The following ABHD15 variants were observed in gnomAD, a reference collection of about 807,000 sequenced individuals.
ABHD15 encodes the protein protein ABHD15.
Under a neutral mutation model 34.4 loss-of-function variants are expected in ABHD15, and 34 were observed. The observed-to-expected ratio is 0.99, with a 90% CI of 0.75 to 1.32. The LOEUF (loss-of-function observed/expected upper bound fraction) is 1.32, where lower values mean the gene tolerates loss of function less well. Among genes scored for constraint, ABHD15 ranks in the 40% most tolerant of loss-of-function variants. The pLI is 0.00. For synonymous variants in ABHD15, 314 were observed against 299.2 expected (o/e 1.05, Z -0.51); for missense variants, 644 against 650.4 (o/e 0.99, Z 0.11).
At position 29,562,819 on chromosome 17, in the gene ABHD15, G is replaced by A. The variant is rs1309527054; in HGVS notation, c.1149C>T (p.Leu383=). The A allele has an allele frequency of 6.2e-7, 1 of 1,613,706 alleles. No individual in the cohort carries two copies. The change falls in exon 2 of 2, where the codon CTC becomes CTT. Residue 383 remains leucine, a synonymous_variant. Coordinates refer to ENST00000307201, the MANE Select transcript of ABHD15 (RefSeq NM_198147.3). Reference sequence around the variant, plus strand: ...AGTGGCCTCCGTGGCGACTGAGCAGGAGGAAGAAGTAGGGGTTGCTGTGGA... The same window carrying A: ...AGTGGCCTCCGTGGCGACTGAGCAGAAGGAAGAAGTAGGGGTTGCTGTGGA... ...ELFHSNPYFF[L]LLSRHGGHCG... is the part of the protein sequence containing the mutation.
Position 29,562,653 on chromosome 17 carries a change from G to A in ABHD15, c.1315C>T (p.Arg439Cys), listed in dbSNP as rs201924599. The change falls in exon 2 of 2, where the codon CGT (arginine) becomes TGT (cysteine). Residue 439 changes from arginine (R) to cysteine (C), a missense_variant. Coordinates refer to ENST00000307201, the MANE Select transcript of ABHD15 (RefSeq NM_198147.3). ...CTCTGCAAGGCTCCCCCACGACGAC[G>A]GCCCCCAAGGAAGGAAGCTCTGTGC... ...SRHRASFLGGRRRGGALQRRE... is the reference protein window; with the variant it reads ...SRHRASFLGGCRRGGALQRRE... 8.5e-5 allele frequency: 138 copies of A among 1,614,086 alleles called. 1 individual carries two copies. Among genetic ancestry groups the A allele is most frequent in the South Asian group, 7.5e-4 (68 of 91,068 alleles).
In ABHD15 at chr17:29,566,659, C is replaced by T; in HGVS notation, c.308G>A (p.Gly103Glu). 1.2e-6 allele frequency: 2 copies of T among 1,603,084 alleles called. No homozygotes were observed. Among genetic ancestry groups the T allele is most frequent in the South Asian group, 2.2e-5 (2 of 90,656 alleles). Residue 103 changes from glycine (G) to glutamate (E), a missense_variant, in exon 1 of 2, where the codon GGG becomes GAG. Gly to Glu is a moderately conservative substitution (Grantham distance 98). Coordinates refer to ENST00000307201, the MANE Select transcript of ABHD15 (RefSeq NM_198147.3). ...GTGGCAGAGGGTCTGCAGGTGGGGC[C>T]CGGAGAACCAGGAGCGCGGGCCGGC... ...LEAGPRSWFS[G>E]PHLQTLCHFV...
Position 29,562,362 on chromosome 17 carries a change from G to A in ABHD15, c.*199C>T. 1 of 565,994 alleles carries A rather than the reference G, an allele frequency of 1.8e-6. No homozygotes were observed. 35.1% of individuals were successfully genotyped at this position (565,994 alleles called of 1,614,324 possible). Reference sequence around the variant, plus strand: ...GGATATGTTGAGCAGAGGCCAGGCAGGAGTTCTGCTGAGGATGAAGTGAGT... The same window carrying A: ...GGATATGTTGAGCAGAGGCCAGGCAAGAGTTCTGCTGAGGATGAAGTGAGT... On this transcript the variant is annotated 3_prime_UTR_variant, in exon 2 of 2. Coordinates refer to ENST00000307201, the MANE Select transcript of ABHD15 (RefSeq NM_198147.3).
chr17:29,565,997 G>A (rs2292973), intron 1 of ABHD15, 89 bp downstream of exon 1: 611,474 of 1,478,990 alleles, frequency 0.41, 131,725 homozygotes, highest in East Asian at 0.65. Context: ...GCCCACGCCT[G>A]TTCCAATGCT....
chr17:29,566,735 C>T lies in ABHD15; in HGVS notation c.232G>A (p.Ala78Thr), dbSNP rs2032723698. 2.6e-6 allele frequency: 4 copies of T among 1,562,016 alleles called. No homozygotes were observed. Among genetic ancestry groups the T allele is most frequent in the Non-Finnish European group, 3.4e-6 (4 of 1,160,936 alleles). ...GCGCGCAGCAGGCACTGGGCCAGGG[C>T]CGACGGCTTGCAAACAAGGCTGCAC... ...GGCSLVCKPSALAQCLLRALR... is the reference protein window; with the variant it reads ...GGCSLVCKPSTLAQCLLRALR... Residue 78 changes from alanine to threonine, a missense_variant, in exon 1 of 2, where the codon GCC (alanine) becomes ACC (threonine). By Grantham distance (58) the Ala-to-Thr change is moderately conservative (BLOSUM62 0). Transcript: ENST00000307201.
rs1370159227 is a variant in ABHD15 at position 29,566,589 on chromosome 17, G to T, written c.378C>A (p.Tyr126Ter). ...VAPGPELARE[Y>*]LQLADDGLVA... is the part of the protein sequence containing the mutation. ...CTAGCCCATCGTCCGCCAACTGCAG[G>T]TACTCCCGGGCCAGCTCAGGCCCAG... The change falls in exon 1 of 2, where the codon TAC (tyrosine) becomes TAA (stop). Residue 126 changes from tyrosine to a stop codon, truncating the protein, a stop_gained. Transcript: ENST00000307201. LOFTEE classifies it high-confidence loss of function. 6.2e-7 allele frequency: 1 copy of T among 1,607,866 alleles called. No individual in the cohort carries two copies. Among genetic ancestry groups the T allele is most frequent in the Admixed American group, 1.7e-5 (1 of 59,768 alleles).
intron 1 of ABHD15, 62 bp from the exon 2 acceptor site, chr17:29,563,148 G>A (rs1335606924): frequency 1.3e-6 from 2 of 1,532,070 alleles, no homozygotes; most frequent in Non-Finnish European, 1.8e-6. Context: ...AACATCAGGT[G>A]ACAGCAGATG....
At chr17:29,563,409 C>T (rs1174689100) in intron 1 of ABHD15, among the ~76,000 whole-genome samples, 1 of 149,444 alleles carries the variant, frequency 6.7e-6, no homozygotes, top group Non-Finnish European at 1.5e-5. Flanking sequence ...AAAAAATTAG[C>T]TTGGCATGGT....
chr17:29,563,747 C>A (rs913809145), intron 1 of ABHD15, among the ~76,000 whole-genome samples: 1 of 151,962 alleles, frequency 6.6e-6, no homozygotes, highest in African/African-American at 2.4e-5. Flanking sequence ...GTAGTCCCAG[C>A]TACTTGGGAG....
At chr17:29,564,334 G>C (rs2032671383) in intron 1 of ABHD15, among the ~76,000 whole-genome samples, 1 of 152,250 alleles carries the variant, frequency 6.6e-6, no homozygotes, top group Non-Finnish European at 1.5e-5. Context: ...ACCTGGGGCA[G>C]ATATTCCTAG....
At position 29,566,967 on chromosome 17, in the gene ABHD15, G is replaced by A. The variant is rs1157184008; in HGVS notation, c.-1C>T. The stretch of plus-strand genomic sequence containing the variant: ...CGAGGGCGGCGCCCCACGGCGGCAT[G>A]GCGAAGCTGGAGAGCCCCGGCGGGC... On this transcript the variant is annotated 5_prime_UTR_variant, in exon 1 of 2. Transcript: ENST00000307201. The A allele has an allele frequency of 7.3e-7, 1 of 1,368,024 alleles. No homozygotes were observed. Among genetic ancestry groups the A allele is most frequent in the Non-Finnish European group, 9.4e-7 (1 of 1,068,980 alleles). The allele number at this position is 1,368,024 out of a possible 1,614,324, so 84.7% of individuals were successfully genotyped here.
chr17:29,565,921 G>A (rs2032700239), intron 1 of ABHD15, 165 bp downstream of exon 1: 1 of 948,588 alleles, frequency 1.1e-6, no homozygotes, highest in East Asian at 2.9e-5. Context: ...CGCTTCCCCG[G>A]TTCTGTCTAG....
chr17:29,565,929 T>C, intron 1 of ABHD15, 157 bp downstream of exon 1: 1 of 1,015,538 alleles, frequency 9.8e-7, no homozygotes, highest in Non-Finnish European at 1.4e-6. Context: ...CGGTTCTGTC[T>C]AGATTACAGG....
rs2032616866 is a variant in ABHD15 at position 29,560,649 on chromosome 17, A to G, written c.*1912T>C. ...ACAAGAAGTGGGGAGAAGGGAGATAATTTTTCTTTTCTTTTTTTTTTTTGA... is the reference window on the plus strand; with the variant it reads ...ACAAGAAGTGGGGAGAAGGGAGATAGTTTTTCTTTTCTTTTTTTTTTTTGA... On this transcript the variant is annotated 3_prime_UTR_variant, in exon 2 of 2. Transcript: ENST00000307201. 6.6e-6 allele frequency: 1 copy of G among 151,364 alleles called. No homozygotes were observed. Among genetic ancestry groups the G allele is most frequent in the Non-Finnish European group, 1.5e-5 (1 of 67,830 alleles). The allele number at this position is 151,364 out of a possible 1,614,324, so 9.4% of individuals were successfully genotyped here.
At position 29,566,523 on chromosome 17, in the gene ABHD15, G is replaced by A. The variant is rs767713394; in HGVS notation, c.444C>T (p.Arg148=). The change falls in exon 1 of 2, where the codon CGC becomes CGT. Residue 148 remains arginine (R), a synonymous_variant. Coordinates refer to ENST00000307201, the MANE Select transcript of ABHD15 (RefSeq NM_198147.3). ...DWVVGPCVRG[R]RITSAGGLPA... ...GAAGGCCCCCGGCGCTGGTGATCCG[G>A]CGGCCCCGAACACAAGGTCCTACCA... is the stretch of plus-strand genomic sequence containing the variant. 1.9e-6 allele frequency: 3 copies of A among 1,610,362 alleles called. No homozygotes were observed. Among genetic ancestry groups the A allele is most frequent in the Middle Eastern group, 1.7e-4 (1 of 6,056 alleles).
In ABHD15 at chr17:29,566,691, C is replaced by A. The variant is rs769193193; in HGVS notation, c.276G>T (p.Ala92=). The A allele has an allele frequency of 6.3e-7, 1 of 1,587,812 alleles. No homozygotes were observed. The highest frequency in any genetic ancestry group is 2.3e-5 in the East Asian group (1 of 44,260). The change falls in exon 1 of 2, where the codon GCG becomes GCT. Residue 92 remains alanine, a synonymous_variant. Transcript: ENST00000307201. ...ACCAGGAGCGCGGGCCGGCCTCCAG[C>A]GCCTCTGAGCGCCGCAGGGCGCGCA... ...CLLRALRRSE[A]LEAGPRSWFS...
At position 29,562,767 on chromosome 17, in the gene ABHD15, G is replaced by C. The variant is rs1004818589; in HGVS notation, c.1201C>G (p.Pro401Ala). 1.2e-6 allele frequency: 2 copies of C among 1,613,884 alleles called. No homozygotes were observed. The highest frequency in any genetic ancestry group is 1.7e-6 in the Non-Finnish European group (2 of 1,179,812). The part of the protein sequence containing the change: ...HCGFLRQEPL[P>A]AWSHEVILES... ...AAGATGACCTCATGGCTCCAGGCTGGCAAGGGCTCCTGGCGCAGGAAGCCA... is the reference window on the plus strand; with the variant it reads ...AAGATGACCTCATGGCTCCAGGCTGCCAAGGGCTCCTGGCGCAGGAAGCCA... The change falls in exon 2 of 2, where the codon CCA (proline) becomes GCA (alanine). Residue 401 changes from proline to alanine, a missense_variant. Transcript: ENST00000307201.
In ABHD15 at chr17:29,563,384, T is replaced by TA. The variant is rs34446912; in HGVS notation, c.882-299dup. Among the ~76,000 whole-genome samples the TA allele has an allele frequency of 4.6e-3, 556 of 121,528 alleles. 3 individuals are homozygous for TA. The highest frequency in any genetic ancestry group is 8.5e-3 in the Middle Eastern group (2 of 234). 79.7% of individuals were successfully genotyped at this position (121,528 alleles called of 152,430 possible). A position where few individuals can be genotyped will look rare whatever the true frequency, so the allele number is the denominator to read the frequency against. On this transcript the variant is annotated intron_variant, in intron 1 of 1. Coordinates refer to ENST00000307201, the MANE Select transcript of ABHD15 (RefSeq NM_198147.3). ...GGGCAACAGGGCGAAAACCCATCTC[T>TA]AAAAAAAAAAAAAAAAAAAATTAGC... is the stretch of plus-strand genomic sequence containing the variant.
rs1397684107 is a variant in ABHD15 at position 29,566,866 on chromosome 17, C to T, written c.101G>A (p.Gly34Glu). Reference protein sequence around the residue: ...RLRGPWGRAVGERTLPGAQDR... With the variant: ...RLRGPWGRAVEERTLPGAQDR... ...TTGGGCCCCCGGCAGGGTCCTCTCT[C>T]CGACGGCGCGCCCCCAGGGTCCCCG... The change falls in exon 1 of 2, where the codon GGA becomes GAA. Residue 34 changes from glycine to glutamate, a missense_variant. Gly to Glu is a moderately conservative substitution (Grantham distance 98). Transcript: ENST00000307201. The T allele has an allele frequency of 8.6e-6, 13 of 1,505,494 alleles. No individual in the cohort carries two copies. Among genetic ancestry groups the T allele is most frequent in the African/African-American group, 1.5e-5 (1 of 68,922 alleles). 93.3% of individuals were successfully genotyped at this position (1,505,494 alleles called of 1,614,324 possible).
Sources: gnomAD v4.1 joint callset for allele counts (sites outside exome capture counted in the v4.1 genomes callset) on GRCh38, gnomAD v4.1.1 for gene constraint, MANE v1.5 for transcripts, NCBI Gene and HGNC (gene_info 2026-07-23, HGNC 2026-07-21) for gene names.